AVPR1A: variants seen among roughly 807,000 people sequenced by gnomAD.
The protein encoded by AVPR1A is arginine vasopressin receptor 1A, also known as vasopressin V1a receptor.
Under a neutral mutation model 31.5 loss-of-function variants are expected in AVPR1A, and 31 were observed. That is an observed-to-expected ratio of 0.99 (90% CI 0.74 to 1.33). The LOEUF (loss-of-function observed/expected upper bound fraction) is 1.33. Ranked by LOEUF, AVPR1A falls within the 40% of genes most tolerant of loss-of-function variation. The pLI is 0.00. For missense variants in AVPR1A, 570 were observed against 575.2 expected, an observed-to-expected ratio of 0.99 and a Z score of 0.09; for synonymous variants, 243 against 233.2, an observed-to-expected ratio of 1.04 and a Z score of -0.38.
Position 63,150,833 on chromosome 12 carries a change from G to C in AVPR1A, c.4C>G (p.Arg2Gly). The change falls in exon 1 of 2, where the codon CGT becomes GGT. Residue 2 changes from arginine to glycine, a missense_variant. Physicochemically the swap from Arg to Gly is moderately radical, Grantham distance 125. Coordinates refer to ENST00000299178, the MANE Select transcript of AVPR1A (RefSeq NM_000706.5). This position sits in a 1 kb window ranked among gnomAD's most constrained non-coding sequence, Gnocchi z 4.9. ...CCCGCGTCGGGACCGGCGGAGAGAC[G>C]CATGCTGTCCATGCAGCTCCTACTC... M[R>G]LSAGPDAGPS... 1.3e-6 allele frequency: 2 copies of C among 1,582,860 alleles called. No individual in the cohort carries two copies. Among genetic ancestry groups the C allele is most frequent in the Non-Finnish European group, 8.5e-7 (1 of 1,172,102 alleles).
Position 63,150,452 on chromosome 12 carries a change from G to A in AVPR1A, c.385C>T (p.His129Tyr), listed in dbSNP as rs759630291. ...GCAAACATGCCGAACACCTGCAGGT[G>A]CTTCACCACGCGGCACAGCCAGTCG... ...GPDWLCRVVK[H>Y]LQVFGMFASA... is the part of the protein sequence containing the mutation. Residue 129 changes from histidine (H) to tyrosine (Y), a missense_variant, in exon 1 of 2, where the codon CAC becomes TAC. Transcript: ENST00000299178. This position sits in a 1 kb window ranked among gnomAD's most constrained non-coding sequence, Gnocchi z 4.9. 5 of 1,613,526 alleles carry A rather than the reference G, an allele frequency of 3.1e-6. No homozygotes were observed. The highest frequency in any genetic ancestry group is 2.2e-5 in the South Asian group (2 of 91,054).
Position 63,145,222 on chromosome 12 carries a change from G to C in AVPR1A, c.*2137C>G. 3.1e-6 allele frequency: 1 copy of C among 319,072 alleles called. No homozygotes were observed. Among genetic ancestry groups the C allele is most frequent in the South Asian group, 2.7e-5 (1 of 36,600 alleles). The allele number at this position is 319,072 out of a possible 1,614,324, so 19.8% of individuals were successfully genotyped here. A position where few individuals can be genotyped will look rare whatever the true frequency, so the allele number is the denominator to read the frequency against. ...TAGAAAGAAGAATTTGAAAACCTAG[G>C]GAGTCCCTAGGTTTATAATCTCTAT... On this transcript the variant is annotated 3_prime_UTR_variant, in exon 2 of 2. Transcript: ENST00000299178.
rs1868331209 is a variant in AVPR1A, at chr12:63,142,796, C to T, written c.*4563G>A. 2 of 152,012 alleles carry T rather than the reference C, an allele frequency of 1.3e-5. No homozygotes were observed. Among genetic ancestry groups the T allele is most frequent in the Non-Finnish European group, 2.9e-5 (2 of 67,952 alleles). The allele number at this position is 152,012 out of a possible 1,614,324, so 9.4% of individuals were successfully genotyped here. ...TTTTGTTTATAGAAACAAGACAACA[C>T]ACAGTAAAATTGAGGAAATACAATA... On this transcript the variant is annotated 3_prime_UTR_variant, in exon 2 of 2. Coordinates refer to ENST00000299178, the MANE Select transcript of AVPR1A (RefSeq NM_000706.5).
At chr12:63,149,104 TG>T (rs1312136991) in intron 1 of AVPR1A, among the ~76,000 whole-genome samples, 1 of 152,188 alleles carries the variant, frequency 6.6e-6, no homozygotes. Flanking sequence ...AGTAAACTAC[TG>T]TAAGAGTTGG....
chr12:63,150,255 C>G lies in AVPR1A; in HGVS notation c.582G>C (p.Val194=), dbSNP rs775222891. 4 of 1,613,770 alleles carry G rather than the reference C, an allele frequency of 2.5e-6. No individual in the cohort carries two copies. In the African/African-American group the frequency reaches 5.3e-5, roughly 22 times the overall value. ...AGTCGCGGGCCTTGGTGACATTGTT[C>G]ACCTCGATCATGGAGAAGACGAAGT... is the stretch of plus-strand genomic sequence containing the variant. ...PQYFVFSMIE[V]NNVTKARDCW... is the part of the protein sequence containing the mutation. The change falls in exon 1 of 2, where the codon GTG becomes GTC. Residue 194 remains valine, a synonymous_variant. Transcript: ENST00000299178. This position sits in a 1 kb window ranked among gnomAD's most constrained non-coding sequence, Gnocchi z 4.9.
At chr12:63,149,688 G>A (rs1447693077) in intron 1 of AVPR1A, among the ~76,000 whole-genome samples, 179 bp downstream of exon 1, 1 of 151,086 alleles carries the variant, frequency 6.6e-6, no homozygotes, top group Non-Finnish European at 1.5e-5. Context: ...TTCCTCCAAG[G>A]TGCGACTCTT....
Position 63,147,041 on chromosome 12 carries a change from A to C in AVPR1A, c.*318T>G, listed in dbSNP as rs924676448. The stretch of plus-strand genomic sequence containing the variant: ...CCAATCAAGTCTTACTTATGTTAGA[A>C]ATGAAAATAAAAGAAACTAACAACA... On this transcript the variant is annotated 3_prime_UTR_variant, in exon 2 of 2. Coordinates refer to ENST00000299178, the MANE Select transcript of AVPR1A (RefSeq NM_000706.5). 2.4e-5 allele frequency: 6 copies of C among 252,194 alleles called. No individual in the cohort carries two copies. The highest frequency in any genetic ancestry group is 2.3e-5 in the Non-Finnish European group (3 of 130,940). The allele number at this position is 252,194 out of a possible 1,614,324, so 15.6% of individuals were successfully genotyped here.
chr12:63,150,435 G>T lies in AVPR1A; in HGVS notation c.402C>A (p.Gly134=). ...CCAGCATGTAGGCCGACGCAAACAT[G>T]CCGAACACCTGCAGGTGCTTCACCA... The part of the protein sequence containing the change: ...CRVVKHLQVF[G]MFASAYMLVV... The change falls in exon 1 of 2, where the codon GGC becomes GGA. Residue 134 remains glycine (G), a synonymous_variant. Transcript: ENST00000299178. This position sits in a 1 kb window ranked among gnomAD's most constrained non-coding sequence, Gnocchi z 4.9. 1 of 1,613,596 alleles carries T rather than the reference G, an allele frequency of 6.2e-7. No individual in the cohort carries two copies. Among genetic ancestry groups the T allele is most frequent in the Non-Finnish European group, 8.5e-7 (1 of 1,179,878 alleles).
chr12:63,146,856 C>A lies in AVPR1A; in HGVS notation c.*503G>T. On this transcript the variant is annotated 3_prime_UTR_variant, in exon 2 of 2. Coordinates refer to ENST00000299178, the MANE Select transcript of AVPR1A (RefSeq NM_000706.5). ...AGGCACTTGTACTCCTAGGAGGTAC[C>A]ATCCCATCTCCTGGACACTGTTTAA... 1 of 156,770 alleles carries A rather than the reference C, an allele frequency of 6.4e-6. No homozygotes were observed. Among genetic ancestry groups the A allele is most frequent in the Non-Finnish European group, 1.4e-5 (1 of 70,714 alleles). The allele number at this position is 156,770 out of a possible 1,614,324, so 9.7% of individuals were successfully genotyped here.
At position 63,143,000 on chromosome 12, in the gene AVPR1A, A is replaced by G. The variant is rs1868332449; in HGVS notation, c.*4359T>C. 6.6e-6 allele frequency: 1 copy of G among 152,144 alleles called. No individual in the cohort carries two copies. Among genetic ancestry groups the G allele is most frequent in the Non-Finnish European group, 1.5e-5 (1 of 67,978 alleles). 9.4% of individuals were successfully genotyped at this position (152,144 alleles called of 1,614,324 possible). ...AGAGGATATAGAACATTTGAAAAAC[A>G]GTTCCAAAAAATGGAATACTAAAGA... On this transcript the variant is annotated 3_prime_UTR_variant, in exon 2 of 2. Coordinates refer to ENST00000299178, the MANE Select transcript of AVPR1A (RefSeq NM_000706.5).
chr12:63,150,495 G>A lies in AVPR1A; in HGVS notation c.342C>T (p.Thr114=). Residue 114 remains threonine, a synonymous_variant, in exon 1 of 2, where the codon ACC becomes ACT. Transcript: ENST00000299178. The surrounding 1 kb of genome is among the most constrained non-coding windows in gnomAD (Gnocchi z 4.9). ...QVLPQMCWDI[T]YRFRGPDWLC... Reference sequence around the variant, plus strand: ...GCCAGTCGGGGCCGCGGAAGCGGTAGGTGATGTCCCAGCACATTTGCGGCA... The same window carrying A: ...GCCAGTCGGGGCCGCGGAAGCGGTAAGTGATGTCCCAGCACATTTGCGGCA... The A allele has an allele frequency of 6.2e-7, 1 of 1,613,424 alleles. No homozygotes were observed. The highest frequency in any genetic ancestry group is 8.5e-7 in the Non-Finnish European group (1 of 1,179,822).
Position 63,143,581 on chromosome 12 carries a change from G to A in AVPR1A, c.*3778C>T, listed in dbSNP as rs1868336494. The A allele has an allele frequency of 6.6e-6, 1 of 152,196 alleles. No homozygotes were observed. The allele number at this position is 152,196 out of a possible 1,614,324, so 9.4% of individuals were successfully genotyped here. A position where few individuals can be genotyped will look rare whatever the true frequency, so the allele number is the denominator to read the frequency against. ...CTAAATTTTGGCTCAAATCGGCTGA[G>A]GTCCAATTCTAACGGAGAATCATTC... On this transcript the variant is annotated 3_prime_UTR_variant, in exon 2 of 2. Transcript: ENST00000299178.
In AVPR1A at chr12:63,151,175, C is replaced by T; in HGVS notation, c.-339G>A. ...TGTTTCCTTGGGACGCGCTCCCTCC[C>T]GCCCTATTGCCGGAAGACTGCTGGT... On this transcript the variant is annotated 5_prime_UTR_variant, in exon 1 of 2. Coordinates refer to ENST00000299178, the MANE Select transcript of AVPR1A (RefSeq NM_000706.5). The T allele has an allele frequency of 3.8e-6, 1 of 262,322 alleles. No individual in the cohort carries two copies. The highest frequency in any genetic ancestry group is 7.3e-6 in the Non-Finnish European group (1 of 137,512). 16.2% of individuals were successfully genotyped at this position (262,322 alleles called of 1,614,324 possible).
In AVPR1A at chr12:63,145,694, G is replaced by A. The variant is rs1057031872; in HGVS notation, c.*1665C>T. 2 of 157,296 alleles carry A rather than the reference G, an allele frequency of 1.3e-5. No homozygotes were observed. The highest frequency in any genetic ancestry group is 2.8e-5 in the Non-Finnish European group (2 of 71,412). 9.7% of individuals were successfully genotyped at this position (157,296 alleles called of 1,614,324 possible). A position where few individuals can be genotyped will look rare whatever the true frequency, so the allele number is the denominator to read the frequency against. On this transcript the variant is annotated 3_prime_UTR_variant, in exon 2 of 2. Transcript: ENST00000299178. ...ATTTATGATGTATCCTCAAATCATT[G>A]CATGATCTCTAAGAAGAAGAAGCAG... is the stretch of plus-strand genomic sequence containing the variant.
In AVPR1A at chr12:63,148,374, A is replaced by G. The variant is rs182712895; in HGVS notation, c.971-729T>C. 3.6e-3 allele frequency among the ~76,000 whole-genome samples: 549 copies of G among 152,272 alleles called. 3 individuals carry two copies. Among genetic ancestry groups the G allele is most frequent in the African/African-American group, 0.012 (512 of 41,580 alleles). The stretch of plus-strand genomic sequence containing the variant: ...TATACCTTTTCTAAAAATAAGAATA[A>G]TCAATAAACACTGACTTTTCCTTGA... On this transcript the variant is annotated intron_variant, in intron 1 of 1. Transcript: ENST00000299178.
At position 63,150,482 on chromosome 12, in the gene AVPR1A, C is replaced by T. The variant is rs1342372730; in HGVS notation, c.355G>A (p.Gly119Ser). The change falls in exon 1 of 2, where the codon GGC becomes AGC. Residue 119 changes from glycine to serine, a missense_variant. By Grantham distance (56) the Gly-to-Ser change is moderately conservative. Coordinates refer to ENST00000299178, the MANE Select transcript of AVPR1A (RefSeq NM_000706.5). The surrounding 1 kb of genome is among the most constrained non-coding windows in gnomAD (Gnocchi z 4.9). ...ACCACGCGGCACAGCCAGTCGGGGC[C>T]GCGGAAGCGGTAGGTGATGTCCCAG... ...MCWDITYRFR[G>S]PDWLCRVVKH... The T allele has an allele frequency of 2.5e-6, 4 of 1,613,470 alleles. No individual in the cohort carries two copies. Among genetic ancestry groups the T allele is most frequent in the Non-Finnish European group, 3.4e-6 (4 of 1,179,850 alleles).
In AVPR1A at chr12:63,149,784, T is replaced by TCACA. The variant is rs1565878700; in HGVS notation, c.970+82_970+83insTGTG. On this transcript the variant is annotated intron_variant, in intron 1 of 1. Transcript: ENST00000299178. ...ATTCTCATTTTTTTCTCTCTCTCTC[T>TCACA]CTCTCTCTCTCTCTCACACACACAC... 2.4e-5 allele frequency: 35 copies of TCACA among 1,442,988 alleles called. No individual in the cohort carries two copies. In the African/African-American group the frequency reaches 5.5e-4, roughly 23 times the overall value. The allele number at this position is 1,442,988 out of a possible 1,614,324, so 89.4% of individuals were successfully genotyped here. A position where few individuals can be genotyped will look rare whatever the true frequency, so the allele number is the denominator to read the frequency against.
intron 1 of AVPR1A, 121 bp downstream of exon 1, chr12:63,149,746 A>C (rs1326556726): frequency 7.0e-7 from 1 of 1,433,796 alleles, no homozygotes; most frequent in African/African-American, 1.5e-5. Flanking sequence ...GATACTATGA[A>C]GAAAATTGCT....
intron 1 of AVPR1A, among the ~76,000 whole-genome samples, chr12:63,147,901 T>C (rs1414275551): frequency 6.6e-6 from 1 of 152,166 alleles, no homozygotes; most frequent in Non-Finnish European, 1.5e-5. Flanking sequence ...GAGTGGGAAT[T>C]TTACGAGGTT....
Sources: gnomAD v4.1 joint callset for allele counts (sites outside exome capture counted in the v4.1 genomes callset) on GRCh38, gnomAD v4.1.1 for gene constraint, Gnocchi (gnomAD v3.1) non-coding constraint, MANE v1.5 for transcripts, NCBI Gene and HGNC (gene_info 2026-07-23, HGNC 2026-07-21) for gene names.